Variants in C11orf65 observed in about 807,000 individuals in gnomAD.
C11orf65 encodes chromosome 11 open reading frame 65, also known as protein MFI.
Under a neutral mutation model 35.3 loss-of-function variants are expected in C11orf65, and 38 were observed. The ratio of observed to expected loss-of-function variants is 1.08; its 90% CI spans 0.83 to 1.41. The LOEUF (loss-of-function observed/expected upper bound fraction) is 1.41, where lower values mean the gene tolerates loss of function less well. C11orf65 is among the 40% of genes most tolerant of loss of function. C11orf65 has a pLI of 0.00. For missense variants in C11orf65, 370 were observed against 367.1 expected (o/e 1.01, Z -0.06); for synonymous variants, 105 against 114.4 (o/e 0.92, Z 0.53).
chr11:108,348,238 T>A (rs1182707837), intron 2 of C11orf65, among the ~76,000 whole-genome samples: 5 of 151,574 alleles, frequency 3.3e-5, no homozygotes. Context: ...ATATAGACAG[T>A]TTAATATAAA....
downstream of C11orf65, among the ~76,000 whole-genome samples, chr11:108,326,818 A>ATTATTTAT (rs962174545): frequency 1.3e-5 from 2 of 151,876 alleles, no homozygotes; most frequent in Non-Finnish European, 2.9e-5. Flanking sequence ...ACTGTGCTTT[A>ATTATTTAT]TTATTTATTT....
intron 1 of C11orf65, among the ~76,000 whole-genome samples, chr11:108,462,081 T>C (rs1485094563): frequency 1.3e-5 from 2 of 152,238 alleles, no homozygotes; most frequent in East Asian, 1.9e-4. Context: ...TCTTTCTCTG[T>C]TGCCTTGGCT....
At chr11:108,465,853 G>A (rs1279273115) in intron 1 of C11orf65, among the ~76,000 whole-genome samples, 1 of 151,760 alleles carries the variant, frequency 6.6e-6, no homozygotes, top group African/African-American at 2.4e-5. Context: ...GTGTGGTGGC[G>A]CATGCCTGTA....
At chr11:108,461,688 T>C (rs1339641772) in intron 1 of C11orf65, 120 bp from the exon 2 acceptor site, 4 of 627,644 alleles carry the variant, frequency 6.4e-6, no homozygotes, top group Non-Finnish European at 1.1e-5. Context: ...AGTGCAGTGG[T>C]GCGATGATAG....
At chr11:108,345,414 T>C (rs2088206378) in intron 2 of C11orf65, among the ~76,000 whole-genome samples, 1 of 152,224 alleles carries the variant, frequency 6.6e-6, no homozygotes, top group Non-Finnish European at 1.5e-5. Context: ...CCCAATGCTG[T>C]GATGCCACCT....
intron 3 of C11orf65, among the ~76,000 whole-genome samples, chr11:108,416,979 A>G (rs1040933304): frequency 5.3e-5 from 8 of 152,228 alleles, no homozygotes; most frequent in Non-Finnish European, 1.5e-5. Context: ...GCAAATCTAT[A>G]TATGATTTCA....
chr11:108,437,707 T>TAAAAAAAAAAAAAAAAAAAAAAAAAAA (rs145337876), intron 2 of C11orf65, among the ~76,000 whole-genome samples: 1 of 38,032 alleles, frequency 2.6e-5, no homozygotes, highest in Non-Finnish European at 4.3e-5. Context: ...GACTCAGTCT[T>TAAAAAAAAAAAAAAAAAAAAAAAAAAA]AAAAAAAAAA....
intron 2 of C11orf65, among the ~76,000 whole-genome samples, chr11:108,370,851 T>G (rs1010766098): frequency 6.6e-6 from 1 of 152,188 alleles, no homozygotes. Context: ...TTTTATCTAT[T>G]GCTTTATTTT....
At chr11:108,411,978 G>A (rs1007642407) in intron 3 of C11orf65, among the ~76,000 whole-genome samples, 22 of 151,976 alleles carry the variant, frequency 1.4e-4, no homozygotes, top group East Asian at 3.9e-4. Flanking sequence ...GTTTCACCAC[G>A]TTGGCCAAGC....
chr11:108,317,615 T>TTTTATA (rs1225638961), intron 6 of C11orf65: 1 of 211,244 alleles, frequency 4.7e-6, no homozygotes, highest in African/African-American at 4.6e-5. Context: ...AGGAGTTGTT[T>TTTTATA]TATATATATA....
At chr11:108,409,574 G>GCAAGCC (rs1235104752) in intron 3 of C11orf65, among the ~76,000 whole-genome samples, 1 of 152,106 alleles carries the variant, frequency 6.6e-6, no homozygotes, top group Non-Finnish European at 1.5e-5. Context: ...GGCAGTGGCA[G>GCAAGCC]CAAGCCACAG....
intron 2 of C11orf65, among the ~76,000 whole-genome samples, chr11:108,354,070 A>C (rs678526): frequency 0.11 from 12,948 of 115,418 alleles, 844 homozygotes; most frequent in South Asian, 0.17. Flanking sequence ...CACACACACA[A>C]ACACACACAC....
chr11:108,373,176 A>G (rs2091618099), intron 2 of C11orf65, among the ~76,000 whole-genome samples: 1 of 152,246 alleles, frequency 6.6e-6, no homozygotes, highest in Non-Finnish European at 1.5e-5. Flanking sequence ...CAATTCTATC[A>G]ATATAAGAAA....
Position 108,321,420 on chromosome 11 carries a change from G to T in C11orf65, c.641-12349C>A, listed in dbSNP as rs1196814221. 1 of 1,614,042 alleles carries T rather than the reference G, an allele frequency of 6.2e-7. No homozygotes were observed. On this transcript the variant is annotated intron_variant, in intron 6 of 6. Transcript: ENST00000525729. The stretch of plus-strand genomic sequence containing the variant: ...GAAAGCATTGGGGAGCTTTTCTCAA[G>T]GTATGTAATTCGTATGACTTTGTTA...
rs73545062 is a variant in C11orf65 at position 108,363,442 on chromosome 11, T to C, written c.227-28150A>G. Among the ~76,000 whole-genome samples the C allele has an allele frequency of 9.1e-3, 1,389 of 152,300 alleles. 20 individuals carry two copies. Among genetic ancestry groups the C allele is most frequent in the African/African-American group, 0.031 (1,301 of 41,562 alleles). On this transcript the variant is annotated intron_variant, in intron 2 of 3. Coordinates refer to the C11orf65 transcript ENST00000524755. ...GATTTTATGTGTTATGCTAAGGAAA[T>C]ATATCTCTCCCTCTAACTCAGTGAT...
intron 2 of C11orf65, among the ~76,000 whole-genome samples, chr11:108,353,341 G>A (rs1012760703): frequency 2.6e-5 from 4 of 152,112 alleles, no homozygotes; most frequent in South Asian, 4.2e-4. Context: ...TGGAGACAAG[G>A]TTTCACCATG....
chr11:108,353,649 G>A (rs1382389851), intron 2 of C11orf65: 1 of 801,118 alleles, frequency 1.2e-6, no homozygotes, highest in Non-Finnish European at 2.2e-6. Context: ...GTACATACTA[G>A]TGTTCATAGA....
chr11:108,457,953 A>G (rs895887327), intron 2 of C11orf65, among the ~76,000 whole-genome samples: 1 of 152,082 alleles, frequency 6.6e-6, no homozygotes, highest in Non-Finnish European at 1.5e-5. Context: ...TTCTCTTCAC[A>G]TCTTAGAACA....
upstream of C11orf65, among the ~76,000 whole-genome samples, chr11:108,467,954 T>A (rs2093557925): frequency 6.6e-6 from 1 of 151,954 alleles, no homozygotes; most frequent in South Asian, 2.1e-4. Flanking sequence ...GCCTCCCGAG[T>A]AGCTGGGACC....
Sources: gnomAD v4.1 joint callset for allele counts (sites outside exome capture counted in the v4.1 genomes callset) on GRCh38, gnomAD v4.1.1 for gene constraint, MANE v1.5 for transcripts, NCBI Gene and HGNC (gene_info 2026-07-23, HGNC 2026-07-21) for gene names.